The following ASL variants were observed in gnomAD, a reference collection of about 807,000 sequenced individuals.
The protein encoded by ASL is argininosuccinate lyase, also known as argininosuccinase.
A neutral mutation model predicts 69.1 loss-of-function variants in ASL; 51 were observed. That is an observed-to-expected ratio of 0.74 (90% CI 0.59 to 0.93). The LOEUF is 0.93. Among genes scored for constraint, ASL ranks in the 40% least tolerant of loss-of-function variants. The probability of loss-of-function intolerance (pLI) is 0.00; values close to 1 mark genes in which losing one functional copy is unlikely to be tolerated. For missense variants in ASL, 540 were observed against 623.9 expected (o/e 0.87, Z 1.43); for synonymous variants, 241 against 247.6 (o/e 0.97, Z 0.25).
intron 1 of ASL, 27 bp from the exon 2 acceptor site, chr7:66,076,012 G>C: frequency 1.9e-6 from 3 of 1,558,464 alleles, no homozygotes; most frequent in Non-Finnish European, 2.6e-6. Flanking sequence ...TGGCCAAGGA[G>C]GTCGTCAGTC....
rs776370325 is a variant in ASL at position 66,089,660 on chromosome 7, C to T, written c.1027C>T (p.Leu343Phe). ...FEVSDTMSAV[L>F]QVATGVISTL... ...AGTGTCAGACACTATGAGTGCCGTG[C>T]TCCAGGTGGCCACTGGCGTCATCTC... is the stretch of plus-strand genomic sequence containing the variant. The change falls in exon 14 of 17, where the codon CTC (leucine) becomes TTC (phenylalanine). Residue 343 changes from leucine (L) to phenylalanine (F), a missense_variant. Leu to Phe is a conservative substitution (Grantham distance 22, BLOSUM62 0). Coordinates refer to ENST00000304874, the MANE Select transcript of ASL (RefSeq NM_000048.4). 2 of 1,613,956 alleles carry T rather than the reference C, an allele frequency of 1.2e-6. No individual in the cohort carries two copies. Among genetic ancestry groups the T allele is most frequent in the South Asian group, 1.1e-5 (1 of 91,086 alleles).
intron 3 of ASL, 61 bp from the exon 4 acceptor site, chr7:66,082,307 G>A: frequency 2.7e-6 from 4 of 1,501,534 alleles, no homozygotes; most frequent in Non-Finnish European, 3.6e-6. Context: ...ACCAAGGCAG[G>A]GGCTCTCTTG....
chr7:66,092,126 G>A (rs1266099315), intron 15 of ASL, 40 bp downstream of exon 15: 5 of 1,601,742 alleles, frequency 3.1e-6, no homozygotes, highest in Non-Finnish European at 4.2e-6. Flanking sequence ...AGGAGATGGG[G>A]TGCCCCCCCC....
chr7:66,082,402 T>G lies in ASL; in HGVS notation c.242T>G (p.Leu81Arg), dbSNP rs141046612. ...GAGTGGGCCCAGGGCACCTTCAAAC[T>G]GAACTCCAATGATGAGGACATCCAC... ...AEEWAQGTFK[L>R]NSNDEDIHTA... Residue 81 changes from leucine to arginine, a missense_variant, in exon 4 of 17, where the codon CTG (leucine) becomes CGG (arginine). Physicochemically the swap from Leu to Arg is moderately radical, Grantham distance 102 (BLOSUM62 -2). Coordinates refer to ENST00000304874, the MANE Select transcript of ASL (RefSeq NM_000048.4). 1.2e-6 allele frequency: 2 copies of G among 1,612,530 alleles called. No homozygotes were observed. Among genetic ancestry groups the G allele is most frequent in the Non-Finnish European group, 1.7e-6 (2 of 1,179,724 alleles).
intron 2 of ASL, among the ~76,000 whole-genome samples, chr7:66,078,350 G>T (rs1477001541): frequency 1.3e-5 from 2 of 152,098 alleles, no homozygotes; most frequent in Admixed American, 6.6e-5. Flanking sequence ...GGCTGCCTCT[G>T]CAGGGCAGAG....
At chr7:66,080,112 G>A (rs1415642806) in intron 2 of ASL, among the ~76,000 whole-genome samples, 3 of 151,828 alleles carry the variant, frequency 2.0e-5, no homozygotes, top group Non-Finnish European at 4.4e-5. Context: ...GCCGGGTGTG[G>A]TGGCTCACAC....
rs368296226 is a variant in ASL, at chr7:66,086,977, G to A, written c.602+156G>A. ...GAGCCCCAGCTCTCGCTAAGGTGAC[G>A]ACCAAGCCATTGAATGTGTCTGAGC... On this transcript the variant is annotated intron_variant, in intron 8 of 16. Transcript: ENST00000304874. 26 of 947,896 alleles carry A rather than the reference G, an allele frequency of 2.7e-5. No homozygotes were observed. The East Asian group carries it at 3.2e-4, about 11-fold the overall frequency. 58.7% of individuals were successfully genotyped at this position (947,896 alleles called of 1,614,324 possible).
intron 6 of ASL, among the ~76,000 whole-genome samples, chr7:66,085,320 T>C (rs1786627333): frequency 6.6e-6 from 1 of 151,826 alleles, no homozygotes; most frequent in African/African-American, 2.4e-5. Flanking sequence ...CTACTAAAAA[T>C]ACACAAAATT....
Position 66,086,650 on chromosome 7 carries a change from A to G in ASL, c.512A>G (p.His171Arg). 6.2e-7 allele frequency: 1 copy of G among 1,613,870 alleles called. No individual in the cohort carries two copies. The highest frequency in any genetic ancestry group is 8.5e-7 in the Non-Finnish European group (1 of 1,180,012). The change falls in exon 7 of 17, where the codon CAC becomes CGC. Residue 171 changes from histidine to arginine, a missense_variant. Physicochemically the swap from His to Arg is conservative, Grantham distance 29. Coordinates refer to ENST00000304874, the MANE Select transcript of ASL (RefSeq NM_000048.4). The stretch of plus-strand genomic sequence containing the variant: ...AGGGCCCAGCCCATCCGCTGGAGCC[A>G]CTGGATTCTGAGGTGAGCCAGGTGA... ...LQRAQPIRWS[H>R]WILSHAVALT... is the part of the protein sequence containing the mutation.
chr7:66,080,706 A>C (rs899045698), intron 2 of ASL, among the ~76,000 whole-genome samples: 3 of 152,356 alleles, frequency 2.0e-5, no homozygotes, highest in Admixed American at 2.0e-4. Context: ...CCTAGGCAAC[A>C]GAGTGAGACT....
chr7:66,090,319 G>T (rs1033007819), intron 14 of ASL, among the ~76,000 whole-genome samples: 1 of 152,100 alleles, frequency 6.6e-6, no homozygotes, highest in African/African-American at 2.4e-5. Flanking sequence ...TGTCGCCCAG[G>T]CTGGAGTGCA....
At position 66,089,184 on chromosome 7, in the gene ASL, G is replaced by A; in HGVS notation, c.918+9G>A. Reference sequence around the variant, plus strand: ...GGCGTGTGTTTGGGCGGGTGAGCAAGGCAGGGGGAGGGGCGGGGCCTCTGG... The same window carrying A: ...GGCGTGTGTTTGGGCGGGTGAGCAAAGCAGGGGGAGGGGCGGGGCCTCTGG... On this transcript the variant is annotated intron_variant, in intron 12 of 16. Transcript: ENST00000304874. The A allele has an allele frequency of 1.2e-6, 2 of 1,613,794 alleles. No homozygotes were observed. Among genetic ancestry groups the A allele is most frequent in the Non-Finnish European group, 8.5e-7 (1 of 1,179,924 alleles).
intron 10 of ASL, among the ~76,000 whole-genome samples, chr7:66,088,324 C>T (rs529357339): frequency 5.5e-4 from 83 of 151,740 alleles, no homozygotes; most frequent in African/African-American, 1.9e-3. Flanking sequence ...CTACTAAAAG[C>T]ACAAAAATTA....
Position 66,081,949 on chromosome 7 carries a change from G to A in ASL, c.159G>A (p.Gly53=), listed in dbSNP as rs745883849. ...ACAGCAGGGGCCTGGAGAAGGCAGG[G>A]CTCCTCACCAAGGCCGAGATGGACC... ...KAYSRGLEKA[G]LLTKAEMDQI... Residue 53 remains glycine (G), a synonymous_variant, in exon 3 of 17, where the codon GGG becomes GGA. Transcript: ENST00000304874. 2.2e-5 allele frequency: 35 copies of A among 1,613,382 alleles called. No homozygotes were observed. The highest frequency in any genetic ancestry group is 2.7e-5 in the African/African-American group (2 of 74,896).
At chr7:66,083,225 T>C (rs765221906) in intron 6 of ASL, 51 bp downstream of exon 6, 11 of 1,590,338 alleles carry the variant, frequency 6.9e-6, no homozygotes, top group Admixed American at 3.4e-5. Context: ...GATGGAAGCC[T>C]GAACAGGAGA....
At chr7:66,084,141 TTTTGTTGTTGTTG>T (rs1219719292) in intron 6 of ASL, among the ~76,000 whole-genome samples, 8 of 151,928 alleles carry the variant, frequency 5.3e-5, no homozygotes, top group African/African-American at 1.4e-4. Context: ...TTCTTTAATT[TTTTGTTGTTGTTG>T]TTTGTTGTTG....
chr7:66,086,713 C>T (rs1185944148), intron 7 of ASL, 31 bp from the exon 8 acceptor site: 1 of 1,610,664 alleles, frequency 6.2e-7, no homozygotes, highest in African/African-American at 1.3e-5. Context: ...ACCCCGGCTG[C>T]CCTGACCCTC....
At chr7:66,080,048 G>A (rs901167274) in intron 2 of ASL, among the ~76,000 whole-genome samples, 5 of 152,010 alleles carry the variant, frequency 3.3e-5, no homozygotes, top group Middle Eastern at 3.4e-3. Context: ...TGGTGCCACC[G>A]CACTCCAACC....
intron 2 of ASL, among the ~76,000 whole-genome samples, chr7:66,077,039 C>A (rs1786367060): frequency 1.3e-5 from 2 of 152,156 alleles, no homozygotes; most frequent in Non-Finnish European, 2.9e-5. Flanking sequence ...GCCCTTTAAA[C>A]CTCTTTCCTC....
Sources: allele counts gnomAD v4.1 joint callset (sites outside exome capture counted in the v4.1 genomes callset), GRCh38; gene constraint gnomAD v4.1.1; transcripts MANE v1.5; gene names NCBI Gene and HGNC (gene_info 2026-07-23, HGNC 2026-07-21).